MALRD1: variants seen among roughly 807,000 people sequenced by gnomAD.
The protein encoded by MALRD1 is MAM and LDL-receptor class A domain-containing protein 1.
In MALRD1, 247 loss-of-function variants were observed where a neutral mutation model predicts 242.1. The observed-to-expected ratio is 1.02, with a 90% CI of 0.92 to 1.13. The LOEUF (loss-of-function observed/expected upper bound fraction) is 1.13, where lower values mean the gene tolerates loss of function less well. Ranked by LOEUF, MALRD1 falls within the 50% of genes most tolerant of loss-of-function variation. The pLI is 0.00. For missense variants in MALRD1, 2,989 were observed against 2,533.1 expected (o/e 1.18, Z -3.86); for synonymous variants, 995 against 866.6 (o/e 1.15, Z -2.60).
chr10:19,106,184 T>C (rs1160096378), intron 5 of MALRD1, among the ~76,000 whole-genome samples: 1 of 151,910 alleles, frequency 6.6e-6, no homozygotes, highest in East Asian at 1.9e-4. Flanking sequence ...GCTTCTAGTA[T>C]CTATCATTCT....
chr10:19,205,910 A>AC (rs1836762012), intron 17 of MALRD1, among the ~76,000 whole-genome samples: 1 of 145,766 alleles, frequency 6.9e-6, no homozygotes, highest in Non-Finnish European at 1.5e-5. Context: ...AGTTAATAGG[A>AC]TTTTTTTTTT....
intron 29 of MALRD1, among the ~76,000 whole-genome samples, chr10:19,453,612 C>A (rs1801394253): frequency 6.6e-6 from 1 of 152,234 alleles, no homozygotes; most frequent in East Asian, 1.9e-4. Context: ...CACTGTGGCT[C>A]ATTCCTGCAG....
intron 29 of MALRD1, among the ~76,000 whole-genome samples, chr10:19,456,451 A>G (rs769517379): frequency 6.6e-6 from 1 of 152,198 alleles, no homozygotes; most frequent in Non-Finnish European, 1.5e-5. Flanking sequence ...AATGATCTCA[A>G]TGCAGCATCA....
chr10:19,693,024 G>A (rs866383434), intron 38 of MALRD1, among the ~76,000 whole-genome samples: 3,073 of 151,690 alleles, frequency 0.02, 115 homozygotes, highest in African/African-American at 0.071. Context: ...AAATTCAACA[G>A]CCCTTCATGC....
intron 14 of MALRD1, among the ~76,000 whole-genome samples, chr10:19,201,443 C>T (rs1346062859): frequency 6.6e-6 from 1 of 152,126 alleles, no homozygotes; most frequent in Non-Finnish European, 1.5e-5. Context: ...AGCAATATCT[C>T]CCTGGATAGC....
At position 19,292,892 on chromosome 10, in the gene MALRD1, C is replaced by CAAAAA. The variant is rs57002523; in HGVS notation, c.3419+9730_3419+9734dup. Among the ~76,000 whole-genome samples, 88 of 72,844 alleles carry CAAAAA rather than the reference C, an allele frequency of 1.2e-3. 2 individuals carry two copies. Among genetic ancestry groups the CAAAAA allele is most frequent in the African/African-American group, 3.9e-3 (73 of 18,586 alleles). The allele number at this position is 72,844 out of a possible 152,430, so 47.8% of individuals were successfully genotyped here. On this transcript the variant is annotated intron_variant, in intron 21 of 39. Coordinates refer to ENST00000454679, the MANE Select transcript of MALRD1 (RefSeq NM_001142308.3). ...TGGGCAACAGAGCGAGACTCTGCCTCAAAAAAAAAAAAAAAAAAAAAAATG... is the reference window on the plus strand; with the variant it reads ...TGGGCAACAGAGCGAGACTCTGCCTCAAAAAAAAAAAAAAAAAAAAAAAAAAAATG...
At chr10:19,287,401 C>T (rs561092046) in intron 21 of MALRD1, among the ~76,000 whole-genome samples, 3 of 152,186 alleles carry the variant, frequency 2.0e-5, no homozygotes, top group Admixed American at 6.6e-5. Context: ...TCCCTCCCAT[C>T]GTTCCGACTG....
intron 26 of MALRD1, among the ~76,000 whole-genome samples, chr10:19,384,615 TATA>T (rs1210491419): frequency 5.0e-4 from 65 of 130,370 alleles, no homozygotes; most frequent in East Asian, 2.3e-3. Context: ...GTATATATAA[TATA>T]ATATTTACTA....
intron 32 of MALRD1, among the ~76,000 whole-genome samples, chr10:19,535,552 C>T (rs1310047892): frequency 1.4e-5 from 2 of 147,956 alleles, no homozygotes; most frequent in Admixed American, 6.8e-5. Flanking sequence ...CATATATATA[C>T]ACATATGTAC....
intron 14 of MALRD1, among the ~76,000 whole-genome samples, chr10:19,197,247 T>G (rs1045876032): frequency 4.6e-5 from 7 of 152,116 alleles, no homozygotes; most frequent in African/African-American, 1.7e-4. Flanking sequence ...ACGTGAGAAT[T>G]ACAATTCAAG....
intron 26 of MALRD1, among the ~76,000 whole-genome samples, chr10:19,366,572 T>C (rs1845121315): frequency 6.6e-6 from 1 of 152,200 alleles, no homozygotes; most frequent in Admixed American, 6.5e-5. Flanking sequence ...ATAATATTTT[T>C]GTAACATATC....
At chr10:19,697,153 GAGAA>G (rs1833416801) in intron 38 of MALRD1, among the ~76,000 whole-genome samples, 1 of 152,130 alleles carries the variant, frequency 6.6e-6, no homozygotes, top group South Asian at 2.1e-4. Flanking sequence ...GAGAGAGAAA[GAGAA>G]AGAGAGAGAG....
At chr10:19,350,695 A>G (rs1428144347) in intron 25 of MALRD1, among the ~76,000 whole-genome samples, 2 of 152,204 alleles carry the variant, frequency 1.3e-5, no homozygotes, top group African/African-American at 4.8e-5. Context: ...TGATGGCATC[A>G]TTCAGCAAAT....
intron 36 of MALRD1, among the ~76,000 whole-genome samples, chr10:19,633,385 A>C (rs1013582832): frequency 6.6e-6 from 1 of 152,196 alleles, no homozygotes; most frequent in Non-Finnish European, 1.5e-5. Context: ...CAGTAGTAAA[A>C]GCTCGTAGGA....
chr10:19,245,808 A>G (rs1198023776), intron 18 of MALRD1, among the ~76,000 whole-genome samples: 1 of 152,224 alleles, frequency 6.6e-6, no homozygotes, highest in Non-Finnish European at 1.5e-5. Context: ...GGGAAACATT[A>G]GATTAAATGA....
At chr10:19,705,816 A>AAAAAAAAAAAAAAAAAAAC (rs1833839708) in intron 38 of MALRD1, among the ~76,000 whole-genome samples, 1 of 151,476 alleles carries the variant, frequency 6.6e-6, no homozygotes, top group African/African-American at 2.4e-5. Flanking sequence ...AAAAAAAAAA[A>AAAAAAAAAAAAAAAAAAAC]AAGCCCACAA....
intron 33 of MALRD1, among the ~76,000 whole-genome samples, chr10:19,589,839 A>T (rs1377401105): frequency 1.3e-5 from 2 of 152,084 alleles, no homozygotes; most frequent in African/African-American, 4.8e-5. Flanking sequence ...ATCAACACAG[A>T]ATGTGCTATT....
At chr10:19,603,968 G>A (rs1838487883) in intron 34 of MALRD1, among the ~76,000 whole-genome samples, 1 of 152,134 alleles carries the variant, frequency 6.6e-6, no homozygotes, top group African/African-American at 2.4e-5. Flanking sequence ...ATTCCCTGAG[G>A]CTGAACAATA....
At chr10:19,238,453 TATAATATATAATATAATATATAATATAC>T (rs1407379663) in intron 18 of MALRD1, among the ~76,000 whole-genome samples, 3 of 48,914 alleles carry the variant, frequency 6.1e-5, no homozygotes, top group African/African-American at 4.0e-4. Context: ...ATACATTATA[TATAATATATAATATAATATATAATATAC>T]ATTATATATA....
Sources: gnomAD v4.1 joint callset for allele counts (sites outside exome capture counted in the v4.1 genomes callset) on GRCh38, gnomAD v4.1.1 for gene constraint, MANE v1.5 for transcripts, NCBI Gene and HGNC (gene_info 2026-07-23, HGNC 2026-07-21) for gene names.